PCDH15: variants seen among roughly 807,000 people sequenced by gnomAD.
The protein encoded by PCDH15 is protocadherin related 15.
PCDH15 carries 129 observed loss-of-function variants against 178.5 expected under a neutral mutation model. That is an observed-to-expected ratio of 0.72 (90% CI 0.63 to 0.84). The LOEUF (loss-of-function observed/expected upper bound fraction) is 0.84, where lower values mean the gene tolerates loss of function less well. Ranked by LOEUF, PCDH15 falls within the 40% of genes least tolerant of loss-of-function variation. The pLI, the probability that PCDH15 is intolerant of heterozygous loss-of-function variation, is 0.00. For synonymous variants in PCDH15, 800 were observed against 732.0 expected, an observed-to-expected ratio of 1.09 and a Z score of -1.50; for missense variants, 2,230 against 2,099.9, an observed-to-expected ratio of 1.06 and a Z score of -1.21.
At chr10:54,009,671 C>T (rs1389057084) in intron 20 of PCDH15, among the ~76,000 whole-genome samples, 4 of 152,062 alleles carry the variant, frequency 2.6e-5, no homozygotes, top group African/African-American at 9.7e-5. Context: ...GAGAGCAAGA[C>T]AAGACAACTG....
rs183057483 is a variant in PCDH15 at position 54,627,088 on chromosome 10, C to A, written c.91+37084G>T. Among the ~76,000 whole-genome samples, 4 of 152,152 alleles carry A rather than the reference C, an allele frequency of 2.6e-5. 1 individual carries two copies. Among genetic ancestry groups the A allele is most frequent in the Admixed American group, 2.0e-4 (3 of 15,280 alleles). Reference sequence around the variant, plus strand: ...ATTTGGAATGGCTGTATTTTCCCAACGACTGTATCTGCATTGTATCTAGGA... The same window carrying A: ...ATTTGGAATGGCTGTATTTTCCCAAAGACTGTATCTGCATTGTATCTAGGA... On this transcript the variant is annotated intron_variant, in intron 2 of 37. Transcript: ENST00000644397.
chr10:54,335,711 T>A (rs1355680491), intron 6 of PCDH15, among the ~76,000 whole-genome samples: 1 of 152,170 alleles, frequency 6.6e-6, no homozygotes, highest in Admixed American at 6.5e-5. Flanking sequence ...AAACCTCTTT[T>A]TCTTTATACA....
chr10:53,944,555 G>C (rs894495281), intron 23 of PCDH15, among the ~76,000 whole-genome samples: 11 of 152,052 alleles, frequency 7.2e-5, no homozygotes, highest in Non-Finnish European at 1.6e-4. Context: ...TCCAATTTAA[G>C]CTTTTCGCAC....
At chr10:54,404,450 G>A (rs2135522900) in intron 3 of PCDH15, among the ~76,000 whole-genome samples, 1 of 152,196 alleles carries the variant, frequency 6.6e-6, no homozygotes, top group South Asian at 2.1e-4. Context: ...AATGTGTAGG[G>A]AGAACTGACA....
intron 2 of PCDH15, among the ~76,000 whole-genome samples, chr10:54,596,628 T>G (rs2092254398): frequency 6.6e-6 from 1 of 152,096 alleles, no homozygotes; most frequent in African/African-American, 2.4e-5. Flanking sequence ...AATGAACTAA[T>G]TTTCCCAATT....
intron 2 of PCDH15, among the ~76,000 whole-genome samples, chr10:55,531,754 A>G (rs72788834): frequency 0.032 from 4,862 of 152,140 alleles, 121 homozygotes; most frequent in Middle Eastern, 0.065. Flanking sequence ...ATTCATGTCA[A>G]TGAGAAACTA....
intron 2 of PCDH15, among the ~76,000 whole-genome samples, chr10:55,621,848 T>C (rs912465854): frequency 6.6e-6 from 1 of 150,888 alleles, no homozygotes; most frequent in African/African-American, 2.4e-5. Flanking sequence ...AACTCTAACA[T>C]CATATGTATA....
intron 1 of PCDH15, among the ~76,000 whole-genome samples, chr10:54,728,424 A>G (rs1942878000): frequency 6.6e-6 from 1 of 151,388 alleles, no homozygotes. Flanking sequence ...AGAAGACATC[A>G]TTTTGAATAT....
chr10:55,442,455 T>TTTTATA lies in PCDH15; in HGVS notation c.-156+185169_-156+185170insTATAAA, dbSNP rs1554869561. On this transcript the variant is annotated intron_variant, in intron 2 of 5. Transcript: ENST00000613346. ...AGAAATAGATGTTTTCTTAATTTGA[T>TTTTATA]TATATATATATATATTATATATATA... Among the ~76,000 whole-genome samples the TTTTATA allele has an allele frequency of 7.4e-5, 9 of 121,156 alleles. No individual in the cohort carries two copies. In the East Asian group the frequency reaches 1.0e-3, roughly 14 times the overall value. The allele number at this position is 121,156 out of a possible 152,430, so 79.5% of individuals were successfully genotyped here.
chr10:53,827,582 T>C, intron 31 of PCDH15, 34 bp from the exon 32 acceptor site: 1 of 1,613,278 alleles, frequency 6.2e-7, no homozygotes, highest in Non-Finnish European at 8.5e-7. Flanking sequence ...GTAAAACTCA[T>C]TTTAGAAATC....
chr10:54,181,382 T>A (rs2047972303), intron 13 of PCDH15, among the ~76,000 whole-genome samples: 1 of 152,176 alleles, frequency 6.6e-6, no homozygotes, highest in Non-Finnish European at 1.5e-5. Flanking sequence ...ATATTTATTT[T>A]ATTTTATAAT....
At chr10:54,972,365 C>T (rs867876569) in intron 2 of PCDH15, among the ~76,000 whole-genome samples, 2 of 151,468 alleles carry the variant, frequency 1.3e-5, no homozygotes, top group African/African-American at 2.4e-5. Context: ...CAGGGTGAAA[C>T]CCCATCTCTA....
chr10:54,368,689 A>G (rs1947173325), intron 5 of PCDH15, among the ~76,000 whole-genome samples: 1 of 151,984 alleles, frequency 6.6e-6, no homozygotes, highest in Non-Finnish European at 1.5e-5. Context: ...TCAGAACTTG[A>G]TTTTAAAATC....
chr10:54,094,743 T>A (rs1439855934), intron 15 of PCDH15, among the ~76,000 whole-genome samples: 1 of 151,770 alleles, frequency 6.6e-6, no homozygotes, highest in African/African-American at 2.4e-5. Context: ...TTTCCTTTAA[T>A]TTTTATTTAA....
At chr10:55,497,971 G>A (rs755158810) in intron 2 of PCDH15, among the ~76,000 whole-genome samples, 3 of 151,864 alleles carry the variant, frequency 2.0e-5, no homozygotes, top group South Asian at 4.1e-4. Flanking sequence ...TTTTACCTAC[G>A]GATATGTATA....
At chr10:55,105,921 A>G (rs1842663078) in intron 2 of PCDH15, among the ~76,000 whole-genome samples, 2 of 152,224 alleles carry the variant, frequency 1.3e-5, no homozygotes, top group South Asian at 2.1e-4. Context: ...ACTACATGGA[A>G]TGAGTAATCC....
In PCDH15 at chr10:55,102,715, A is replaced by G. The variant is rs573825795; in HGVS notation, c.-80+63861T>C. 2.0e-4 allele frequency among the ~76,000 whole-genome samples: 30 copies of G among 152,216 alleles called. 1 individual carries two copies. The highest frequency in any genetic ancestry group is 7.2e-4 in the African/African-American group (30 of 41,546). On this transcript the variant is annotated intron_variant, in intron 2 of 5. Transcript: ENST00000458638. ...CTGATCCCTGCAGAGTTGAAAATCTATGTATAACTTTTGGCTCCCCCAAAA... is the reference window on the plus strand; with the variant it reads ...CTGATCCCTGCAGAGTTGAAAATCTGTGTATAACTTTTGGCTCCCCCAAAA...
chr10:53,957,707 G>A (rs192677730), intron 23 of PCDH15, among the ~76,000 whole-genome samples: 235 of 151,950 alleles, frequency 1.5e-3, no homozygotes, highest in African/African-American at 4.9e-3. Flanking sequence ...TTCTGACCAC[G>A]GTTGACCTCG....
intron 22 of PCDH15, 79 bp downstream of exon 22, chr10:53,961,673 T>C: frequency 1.9e-6 from 2 of 1,035,508 alleles, no homozygotes; most frequent in Non-Finnish European, 2.6e-6. Flanking sequence ...AAGAAAAAAA[T>C]GTGCTGTCAT....
Sources: allele counts gnomAD v4.1 joint callset (sites outside exome capture counted in the v4.1 genomes callset), GRCh38; gene constraint gnomAD v4.1.1; transcripts MANE v1.5; gene names NCBI Gene and HGNC (gene_info 2026-07-23, HGNC 2026-07-21).